RBMS1: variants seen among roughly 807,000 people sequenced by gnomAD.
RBMS1 encodes the protein RNA-binding motif, single-stranded-interacting protein 1.
Under a neutral mutation model 62.3 loss-of-function variants are expected in RBMS1, and 17 were observed. The observed-to-expected ratio is 0.27, with a 90% CI of 0.19 to 0.41. The LOEUF (loss-of-function observed/expected upper bound fraction) is 0.41, where lower values mean the gene tolerates loss of function less well. Among genes scored for constraint, RBMS1 ranks in the 10% least tolerant of loss-of-function variants. The pLI is 1.00. For synonymous variants in RBMS1, 172 were observed against 170.0 expected (o/e 1.01, Z -0.09); for missense variants, 334 against 504.5 (o/e 0.66, Z 3.24).
chr2:160,451,166 A>AAAAAAT (rs985879438), intron 1 of RBMS1, among the ~76,000 whole-genome samples: 7 of 150,504 alleles, frequency 4.7e-5, no homozygotes, highest in African/African-American at 1.7e-4. Flanking sequence ...CAGAAAAAAA[A>AAAAAAT]AAATAAATAA....
At chr2:160,282,148 A>G (rs953684574) in intron 9 of RBMS1, 1 of 1,049,204 alleles carries the variant, frequency 9.5e-7, no homozygotes, top group African/African-American at 1.6e-5. Context: ...TCAGTTTCCA[A>G]TTCTTAACAA....
At chr2:160,451,732 C>A (rs1574077154) in intron 1 of RBMS1, among the ~76,000 whole-genome samples, 2 of 152,000 alleles carry the variant, frequency 1.3e-5, no homozygotes, top group Admixed American at 6.6e-5. Context: ...CCTCAGCCAC[C>A]CGAGTAGCTG....
At chr2:160,492,607 C>T (rs995576099) in intron 1 of RBMS1, among the ~76,000 whole-genome samples, 1 of 152,244 alleles carries the variant, frequency 6.6e-6, no homozygotes, top group African/African-American at 2.4e-5. Context: ...TGCAAAACCT[C>T]TAGAGATTAG....
chr2:160,475,898 C>T (rs1327260511), intron 1 of RBMS1, among the ~76,000 whole-genome samples: 2 of 151,392 alleles, frequency 1.3e-5, no homozygotes, highest in Admixed American at 1.3e-4. Context: ...ACTCCATCAC[C>T]CAGGCTGGAA....
chr2:160,336,279 G>T (rs1691563918), intron 2 of RBMS1, among the ~76,000 whole-genome samples: 1 of 152,168 alleles, frequency 6.6e-6, no homozygotes, highest in South Asian at 2.1e-4. Flanking sequence ...CAAACACTCT[G>T]TGGCAAAGAT....
At chr2:160,492,165 T>G (rs550408192) in intron 1 of RBMS1, among the ~76,000 whole-genome samples, 2 of 152,170 alleles carry the variant, frequency 1.3e-5, no homozygotes, top group Non-Finnish European at 2.9e-5. Context: ...GGACACTGCA[T>G]CCATACCTGA....
chr2:160,382,036 G>A (rs1440172100), intron 1 of RBMS1, among the ~76,000 whole-genome samples: 1 of 152,228 alleles, frequency 6.6e-6, no homozygotes, highest in East Asian at 1.9e-4. Flanking sequence ...TGCAGGATAA[G>A]GGACCAGGCC....
chr2:160,374,124 G>A (rs1693872384), intron 1 of RBMS1, among the ~76,000 whole-genome samples: 1 of 152,124 alleles, frequency 6.6e-6, no homozygotes, highest in East Asian at 1.9e-4. Context: ...AAAATTTGGT[G>A]GCACACGCCT....
intron 2 of RBMS1, among the ~76,000 whole-genome samples, chr2:160,359,406 G>A (rs1481692400): frequency 6.6e-6 from 1 of 152,110 alleles, no homozygotes; most frequent in Non-Finnish European, 1.5e-5. Flanking sequence ...GTATGTTCAG[G>A]CTTTTTGGAC....
chr2:160,379,075 T>C (rs1216869979), intron 1 of RBMS1, among the ~76,000 whole-genome samples: 1 of 152,102 alleles, frequency 6.6e-6, no homozygotes, highest in African/African-American at 2.4e-5. Flanking sequence ...AAAAATCAGC[T>C]GGGCATGGTG....
intron 1 of RBMS1, among the ~76,000 whole-genome samples, chr2:160,430,370 C>A (rs1682837266): frequency 1.3e-5 from 2 of 152,000 alleles, no homozygotes; most frequent in African/African-American, 4.8e-5. Context: ...TTTAAAAGCC[C>A]TTTTACATCC....
chr2:160,372,570 C>T (rs951764572), intron 1 of RBMS1, among the ~76,000 whole-genome samples: 2 of 152,226 alleles, frequency 1.3e-5, no homozygotes, highest in African/African-American at 2.4e-5. Context: ...TTTCCATACA[C>T]CAGTTCCTCT....
At chr2:160,357,103 T>A (rs1024339304) in intron 2 of RBMS1, among the ~76,000 whole-genome samples, 2 of 152,096 alleles carry the variant, frequency 1.3e-5, no homozygotes, top group Non-Finnish European at 2.9e-5. Flanking sequence ...TACTTTCACC[T>A]TCGTATAATG....
chr2:160,305,336 A>C (rs1689442819), intron 4 of RBMS1, among the ~76,000 whole-genome samples: 1 of 152,136 alleles, frequency 6.6e-6, no homozygotes, highest in Non-Finnish European at 1.5e-5. Flanking sequence ...CACCATTTTT[A>C]TCTTTTATAC....
At chr2:160,361,178 C>T (rs540895539) in intron 2 of RBMS1, among the ~76,000 whole-genome samples, 26 of 152,294 alleles carry the variant, frequency 1.7e-4, no homozygotes, top group Middle Eastern at 3.4e-3. Context: ...AATATCAAGT[C>T]ACTGGTTTTT....
chr2:160,339,601 G>T (rs1368197472), intron 2 of RBMS1, among the ~76,000 whole-genome samples: 4 of 152,028 alleles, frequency 2.6e-5, no homozygotes, highest in African/African-American at 9.7e-5. Context: ...TTTTAAAAAG[G>T]TTCTTATTGA....
chr2:160,294,446 C>T (rs183701065), intron 6 of RBMS1, among the ~76,000 whole-genome samples: 103 of 152,182 alleles, frequency 6.8e-4, no homozygotes, highest in African/African-American at 2.3e-3. Context: ...CCATGCCACT[C>T]GGGTATGGAA....
intron 1 of RBMS1, among the ~76,000 whole-genome samples, chr2:160,458,938 T>C (rs986021104): frequency 6.6e-6 from 1 of 152,258 alleles, no homozygotes; most frequent in Non-Finnish European, 1.5e-5. Flanking sequence ...ACAGCCCTTA[T>C]GTGCTGCTTT....
chr2:160,423,226 TTCAA>T (rs769839974), intron 1 of RBMS1, among the ~76,000 whole-genome samples: 214 of 96,266 alleles, frequency 2.2e-3, no homozygotes, highest in Admixed American at 4.7e-3. Flanking sequence ...CTTTTTTTCT[TTCAA>T]TTTTTCTTGG....
Sources: gnomAD v4.1 joint callset for allele counts (sites outside exome capture counted in the v4.1 genomes callset) on GRCh38, gnomAD v4.1.1 for gene constraint, MANE v1.5 for transcripts, NCBI Gene and HGNC (gene_info 2026-07-23, HGNC 2026-07-21) for gene names.